The following C9orf43 variants were observed in gnomAD, a reference collection of about 807,000 sequenced individuals.
C9orf43 encodes chromosome 9 open reading frame 43.
C9orf43 carries 45 observed loss-of-function variants against 59.1 expected under a neutral mutation model. The ratio of observed to expected loss-of-function variants is 0.76; its 90% CI spans 0.60 to 0.98. C9orf43 has a LOEUF of 0.98. Among genes scored for constraint, C9orf43 ranks in the 50% least tolerant of loss-of-function variants. The pLI is 0.00. For missense variants in C9orf43, 533 were observed against 554.9 expected (o/e 0.96, Z 0.40); for synonymous variants, 203 against 196.8 (o/e 1.03, Z -0.26).
At chr9:113,425,564 T>C in intron 10 of C9orf43, 79 bp from the exon 11 acceptor site, 1 of 1,524,236 alleles carries the variant, frequency 6.6e-7, no homozygotes, top group South Asian at 1.2e-5. Flanking sequence ...GTTAAATTCC[T>C]TCTTTTTGAT....
chr9:113,411,748 G>A (rs1291775439), intron 1 of C9orf43, among the ~76,000 whole-genome samples: 4 of 152,008 alleles, frequency 2.6e-5, no homozygotes, highest in African/African-American at 9.7e-5. Context: ...GCACGGTCTC[G>A]GCTCACTGTA....
In C9orf43 at chr9:113,410,859, T is replaced by C. The variant is rs1478462806; in HGVS notation, c.-192T>C. 2 of 809,440 alleles carry C rather than the reference T, an allele frequency of 2.5e-6. No individual in the cohort carries two copies. The highest frequency in any genetic ancestry group is 2.5e-4 in the East Asian group (2 of 8,110). 50.1% of individuals were successfully genotyped at this position (809,440 alleles called of 1,614,324 possible). A position where few individuals can be genotyped will look rare whatever the true frequency, so the allele number is the denominator to read the frequency against. ...CTAAGCGGTTTGGAATCTGCTTTGC[T>C]CTCACAGGACCTCAGCCCGTCGTGA... On this transcript the variant is annotated 5_prime_UTR_variant, in exon 1 of 14. Coordinates refer to ENST00000374165, the MANE Select transcript of C9orf43 (RefSeq NM_001278629.2).
chr9:113,424,132 T>G (rs200435793), intron 7 of C9orf43, 34 bp from the exon 8 acceptor site: 2 of 1,552,794 alleles, frequency 1.3e-6, no homozygotes, highest in African/African-American at 1.4e-5. Flanking sequence ...GAAGAGCTGT[T>G]GCTGACTGTC....
intron 9 of C9orf43, 38 bp downstream of exon 9, chr9:113,425,114 T>C (rs1352127525): frequency 6.3e-7 from 1 of 1,591,676 alleles, no homozygotes; most frequent in Non-Finnish European, 8.6e-7. Flanking sequence ...TAAGCACCAT[T>C]TTCTGTTAGC....
intron 5 of C9orf43, 144 bp from the exon 6 acceptor site, chr9:113,422,405 T>C: frequency 8.4e-7 from 1 of 1,195,896 alleles, no homozygotes; most frequent in Non-Finnish European, 1.2e-6. Context: ...TGAGTACTGA[T>C]CAAAGATAGG....
intron 8 of C9orf43, among the ~76,000 whole-genome samples, 176 bp downstream of exon 8, chr9:113,424,492 T>C (rs752866838): frequency 6.6e-6 from 1 of 152,036 alleles, no homozygotes; most frequent in Non-Finnish European, 1.5e-5. Context: ...TGGGGAAGTG[T>C]TGAGAGAGCA....
chr9:113,429,205 AG>A lies in C9orf43; in HGVS notation c.1207del (p.Asp403ThrfsTer66). Reference protein sequence around the residue: ...PELYETEPTNKDISAPVDAVP... With the variant: ...PELYETEPTNXDISAPVDAVP... ...TTGTATGAAACAGAACCCACTAACA[AG>A]GACATTAGTGCTCCAGTGGACGCTG... is the stretch of plus-strand genomic sequence containing the variant. On this transcript the variant is annotated frameshift_variant, in exon 14 of 14. Coordinates refer to ENST00000374165, the MANE Select transcript of C9orf43 (RefSeq NM_001278629.2). LOFTEE classifies it low-confidence loss of function (END_TRUNC). The A allele has an allele frequency of 6.2e-7, 1 of 1,614,250 alleles. No individual in the cohort carries two copies. The highest frequency in any genetic ancestry group is 1.1e-5 in the South Asian group (1 of 91,092).
chr9:113,428,255 C>A, intron 12 of C9orf43, 32 bp downstream of exon 12: 1 of 1,584,710 alleles, frequency 6.3e-7, no homozygotes, highest in Non-Finnish European at 8.7e-7. Flanking sequence ...TGCTAGGACC[C>A]AGTTTCAGTT....
Position 113,410,877 on chromosome 9 carries a change from C to A in C9orf43, c.-174C>A. On this transcript the variant is annotated 5_prime_UTR_variant, in exon 1 of 14. Coordinates refer to ENST00000374165, the MANE Select transcript of C9orf43 (RefSeq NM_001278629.2). ...GCTTTGCTCTCACAGGACCTCAGCC[C>A]GTCGTGATCAGATTCTCCCACTTTC... is the stretch of plus-strand genomic sequence containing the variant. 1 of 905,032 alleles carries A rather than the reference C, an allele frequency of 1.1e-6. No individual in the cohort carries two copies. Among genetic ancestry groups the A allele is most frequent in the Non-Finnish European group, 1.3e-6 (1 of 755,706 alleles). The allele number at this position is 905,032 out of a possible 1,614,324, so 56.1% of individuals were successfully genotyped here.
intron 9 of C9orf43, 132 bp downstream of exon 9, chr9:113,425,208 A>C (rs1468158347): frequency 6.8e-7 from 1 of 1,468,868 alleles, no homozygotes; most frequent in East Asian, 2.3e-5. Flanking sequence ...AACTCAGGAA[A>C]CAATAGTTTC....
At chr9:113,417,533 G>A (rs1317950471) in intron 3 of C9orf43, among the ~76,000 whole-genome samples, 1 of 152,204 alleles carries the variant, frequency 6.6e-6, no homozygotes, top group African/African-American at 2.4e-5. Context: ...TAAGCAGTCC[G>A]TATGATGAGT....
At chr9:113,420,844 G>T (rs1828534876) in intron 4 of C9orf43, 63 of 949,434 alleles carry the variant, frequency 6.6e-5, no homozygotes, top group Non-Finnish European at 7.8e-5. Flanking sequence ...GGATTGGATT[G>T]GGAGTTGCTA....
intron 1 of C9orf43, among the ~76,000 whole-genome samples, chr9:113,411,967 G>C (rs1243923060): frequency 6.6e-6 from 1 of 152,164 alleles, no homozygotes; most frequent in Non-Finnish European, 1.5e-5. Context: ...GAGCCACGGC[G>C]CCCAGCCTCC....
In C9orf43 at chr9:113,419,098, C is replaced by T; in HGVS notation, c.288-10C>T. 1 of 1,606,528 alleles carries T rather than the reference C, an allele frequency of 6.2e-7. No individual in the cohort carries two copies. Among genetic ancestry groups the T allele is most frequent in the South Asian group, 1.1e-5 (1 of 89,592 alleles). Reference sequence around the variant, plus strand: ...GTATTTCTGTTTTATGTGTGGAACTCATTTTTTAGGCCTCCGAAGGGTTTA... The same window carrying T: ...GTATTTCTGTTTTATGTGTGGAACTTATTTTTTAGGCCTCCGAAGGGTTTA... On this transcript the variant is annotated splice_polypyrimidine_tract_variant and intron_variant, in intron 3 of 13. Transcript: ENST00000374165.
chr9:113,413,105 G>A (rs1828231502), intron 1 of C9orf43, among the ~76,000 whole-genome samples: 1 of 152,156 alleles, frequency 6.6e-6, no homozygotes, highest in Non-Finnish European at 1.5e-5. Context: ...AATATGCCAG[G>A]CTTTTAATAT....
intron 4 of C9orf43, among the ~76,000 whole-genome samples, chr9:113,420,246 A>T (rs1828514080): frequency 6.6e-6 from 1 of 152,042 alleles, no homozygotes; most frequent in South Asian, 2.1e-4. Flanking sequence ...GGCACACACC[A>T]CCACACTTGG....
At chr9:113,411,783 G>A (rs1437391393) in intron 1 of C9orf43, among the ~76,000 whole-genome samples, 3 of 151,948 alleles carry the variant, frequency 2.0e-5, no homozygotes, top group Non-Finnish European at 4.4e-5. Context: ...GGCTCAGGTG[G>A]TCCTCCCACC....
chr9:113,427,294 G>A (rs1828826330), intron 11 of C9orf43, among the ~76,000 whole-genome samples: 4 of 152,082 alleles, frequency 2.6e-5, no homozygotes, highest in Admixed American at 2.6e-4. Flanking sequence ...TCCTGCCTTA[G>A]CCTCCCCGGT....
Position 113,429,199 on chromosome 9 carries a change from C to A in C9orf43, c.1199C>A (p.Thr400Asn). Residue 400 changes from threonine to asparagine, a missense_variant, in exon 14 of 14, where the codon ACT (threonine) becomes AAT (asparagine). Transcript: ENST00000374165. The stretch of plus-strand genomic sequence containing the variant: ...CCTGAATTGTATGAAACAGAACCCA[C>A]TAACAAGGACATTAGTGCTCCAGTG... ...KSPELYETEP[T>N]NKDISAPVDA... 1.9e-6 allele frequency: 3 copies of A among 1,614,174 alleles called. No individual in the cohort carries two copies. The highest frequency in any genetic ancestry group is 2.5e-6 in the Non-Finnish European group (3 of 1,180,040).
Sources: allele counts gnomAD v4.1 joint callset (sites outside exome capture counted in the v4.1 genomes callset), GRCh38; gene constraint gnomAD v4.1.1; transcripts MANE v1.5; gene names NCBI Gene and HGNC (gene_info 2026-07-23, HGNC 2026-07-21).